DDC: variants seen among roughly 807,000 people sequenced by gnomAD.
The protein encoded by DDC is dopa decarboxylase.
Under a neutral mutation model 60.0 loss-of-function variants are expected in DDC, and 43 were observed. That is an observed-to-expected ratio of 0.72 (90% CI 0.56 to 0.92). The LOEUF (loss-of-function observed/expected upper bound fraction) is 0.92, where lower values mean the gene tolerates loss of function less well. Among genes scored for constraint, DDC ranks in the 40% least tolerant of loss-of-function variants. DDC has a pLI of 0.00. For missense variants in DDC, 573 were observed against 620.2 expected (o/e 0.92, Z 0.81); for synonymous variants, 232 against 234.6 (o/e 0.99, Z 0.10).
At chr7:50,515,453 C>T (rs1427892394) in intron 6 of DDC, among the ~76,000 whole-genome samples, 1 of 152,116 alleles carries the variant, frequency 6.6e-6, no homozygotes, top group Non-Finnish European at 1.5e-5. Flanking sequence ...AAAATAGAAC[C>T]TCTTTAAAGC....
intron 1 of DDC, among the ~76,000 whole-genome samples, chr7:50,558,741 A>G (rs973306569): frequency 2.6e-5 from 4 of 151,934 alleles, no homozygotes; most frequent in Admixed American, 2.0e-4. Context: ...ATCCACTTAC[A>G]CCTCCACTGT....
At position 50,538,121 on chromosome 7, in the gene DDC, C is replaced by T. The variant is rs2044479892; in HGVS notation, c.316-142G>A. ...CAGATGTGATTCAAAGGCCTGAAGG[C>T]TGTTTGACCTAGAATCATGCAAGGA... On this transcript the variant is annotated intron_variant, in intron 3 of 14. Coordinates refer to ENST00000444124, the MANE Select transcript of DDC (RefSeq NM_001082971.2). 6.8e-6 allele frequency: 7 copies of T among 1,022,244 alleles called. No homozygotes were observed. The East Asian group carries it at 1.3e-4, about 19-fold the overall frequency. The allele number at this position is 1,022,244 out of a possible 1,614,324, so 63.3% of individuals were successfully genotyped here. A position where few individuals can be genotyped will look rare whatever the true frequency, so the allele number is the denominator to read the frequency against.
chr7:50,472,423 C>CT (rs1307788377), intron 11 of DDC, among the ~76,000 whole-genome samples: 12 of 152,138 alleles, frequency 7.9e-5, no homozygotes, highest in African/African-American at 2.7e-4. Flanking sequence ...TTTCCTGGTA[C>CT]TTTTTCCTCC....
chr7:50,513,810 C>A (rs983741793), intron 6 of DDC, among the ~76,000 whole-genome samples: 18 of 152,022 alleles, frequency 1.2e-4, no homozygotes, highest in African/African-American at 4.1e-4. Context: ...CCACAGCAGC[C>A]GCAGCAAGAC....
chr7:50,487,232 CAGTTCATAT>C (rs976766012), intron 9 of DDC, among the ~76,000 whole-genome samples: 2 of 152,040 alleles, frequency 1.3e-5, no homozygotes, highest in Non-Finnish European at 2.9e-5. Context: ...AGAGGCTTTT[CAGTTCATAT>C]AGTTTTAGTA....
At chr7:50,559,433 T>C (rs12718674) in intron 1 of DDC, among the ~76,000 whole-genome samples, 61,818 of 134,394 alleles carry the variant, frequency 0.46, 13,840 homozygotes, top group Admixed American at 0.57. Context: ...CATTTCTTTT[T>C]TTTTTTTTTT....
intron 12 of DDC, among the ~76,000 whole-genome samples, chr7:50,469,404 G>A (rs2042479771): frequency 6.6e-6 from 1 of 152,142 alleles, no homozygotes; most frequent in Admixed American, 6.5e-5. Context: ...TGGTCTGGAA[G>A]CATGTCTGAG....
At chr7:50,516,262 T>C (rs564028218) in intron 6 of DDC, among the ~76,000 whole-genome samples, 11 of 152,176 alleles carry the variant, frequency 7.2e-5, no homozygotes, top group Non-Finnish European at 1.5e-4. Context: ...CTGGAAATTA[T>C]CTCCAAGAGG....
In DDC at chr7:50,549,585, C is replaced by T. The variant is rs149384780; in HGVS notation, c.-28-5472G>A. On this transcript the variant is annotated intron_variant, in intron 1 of 14. Coordinates refer to ENST00000444124, the MANE Select transcript of DDC (RefSeq NM_001082971.2). ...AACAGAATGGCATGAACCTGGGAGG[C>T]GGAGCTTGCAGCAGTAAGCCAAGAT... Among the ~76,000 whole-genome samples the T allele has an allele frequency of 2.6e-3, 395 of 150,486 alleles. 2 individuals are homozygous for T. The highest frequency in any genetic ancestry group is 8.1e-3 in the African/African-American group (329 of 40,842).
chr7:50,514,713 A>T (rs2043680669), intron 6 of DDC, among the ~76,000 whole-genome samples: 1 of 152,208 alleles, frequency 6.6e-6, no homozygotes, highest in African/African-American at 2.4e-5. Flanking sequence ...AATAGAATTG[A>T]ACAAGTAGAA....
chr7:50,518,261 T>A (rs1264970562), intron 6 of DDC, among the ~76,000 whole-genome samples: 1 of 150,020 alleles, frequency 6.7e-6, no homozygotes, highest in Admixed American at 6.6e-5. Flanking sequence ...TGGAAACACA[T>A]TCCATGCTCA....
intron 10 of DDC, among the ~76,000 whole-genome samples, chr7:50,478,127 C>G (rs1247120894): frequency 6.6e-6 from 1 of 151,936 alleles, no homozygotes; most frequent in Non-Finnish European, 1.5e-5. Flanking sequence ...GTGGGAGGAT[C>G]ACTTGAGCCT....
chr7:50,542,122 T>A (rs1051471418), intron 2 of DDC: 1 of 152,202 alleles, frequency 6.6e-6, no homozygotes, highest in African/African-American at 2.4e-5. Context: ...AAAAAATGCT[T>A]AAATTTCTTC....
intron 6 of DDC, among the ~76,000 whole-genome samples, chr7:50,506,220 T>G (rs1049422742): frequency 1.3e-5 from 2 of 152,128 alleles, no homozygotes; most frequent in Non-Finnish European, 2.9e-5. Context: ...GGCAGGAGGA[T>G]AGTAGCCCAG....
intron 9 of DDC, among the ~76,000 whole-genome samples, chr7:50,491,326 G>GTT (rs2042993337): frequency 6.6e-6 from 1 of 151,900 alleles, no homozygotes; most frequent in African/African-American, 2.4e-5. Context: ...TTGTTTGTTT[G>GTT]TTTCTCTCTC....
At chr7:50,479,575 A>G (rs2042721516) in intron 10 of DDC, among the ~76,000 whole-genome samples, 1 of 152,166 alleles carries the variant, frequency 6.6e-6, no homozygotes, top group Admixed American at 6.5e-5. Context: ...CTTCTAGAGC[A>G]GGAGCCTCCC....
At chr7:50,550,203 A>T (rs1265959085) in intron 1 of DDC, among the ~76,000 whole-genome samples, 1 of 152,268 alleles carries the variant, frequency 6.6e-6, no homozygotes, top group Non-Finnish European at 1.5e-5. Flanking sequence ...CACCCTGACC[A>T]GTCAGCAGCC....
At chr7:50,493,435 G>A (rs967451044) in intron 9 of DDC, among the ~76,000 whole-genome samples, 12 of 152,174 alleles carry the variant, frequency 7.9e-5, no homozygotes, top group Admixed American at 7.9e-4. Context: ...TCCCGCCAGA[G>A]CCTGTGGATG....
chr7:50,484,940 C>G (rs1395329759), intron 9 of DDC, among the ~76,000 whole-genome samples: 1 of 152,202 alleles, frequency 6.6e-6, no homozygotes, highest in Non-Finnish European at 1.5e-5. Context: ...GTTCCCAGAT[C>G]TAAGTGCAAA....
Sources: allele counts gnomAD v4.1 joint callset (sites outside exome capture counted in the v4.1 genomes callset), GRCh38; gene constraint gnomAD v4.1.1; transcripts MANE v1.5; gene names NCBI Gene and HGNC (gene_info 2026-07-23, HGNC 2026-07-21).